The following HERC1 variants were observed in gnomAD, a reference collection of about 807,000 sequenced individuals.
The protein encoded by HERC1 is HECT and RLD domain containing E3 ubiquitin protein ligase family member 1.
HERC1 carries 160 observed loss-of-function variants against 554.3 expected under a neutral mutation model. The observed-to-expected ratio is 0.29, with a 90% CI of 0.25 to 0.33. The LOEUF (loss-of-function observed/expected upper bound fraction) is 0.33, where lower values mean the gene tolerates loss of function less well. HERC1 is among the 10% of genes least tolerant of loss of function. The probability of loss-of-function intolerance (pLI) is 1.00; values close to 1 mark genes in which losing one functional copy is unlikely to be tolerated. For missense variants in HERC1, 4,919 were observed against 5,918.5 expected (o/e 0.83, Z 5.54); for synonymous variants, 2,175 against 2,131.7 (o/e 1.02, Z -0.56).
chr15:63,782,303 C>G (rs1161099723), intron 1 of HERC1, among the ~76,000 whole-genome samples: 1 of 152,172 alleles, frequency 6.6e-6, no homozygotes, highest in Non-Finnish European at 1.5e-5. Flanking sequence ...AGCTGGTGGA[C>G]TTAAAGTTGA....
intron 1 of HERC1, among the ~76,000 whole-genome samples, chr15:63,793,802 G>A (rs137927318): frequency 1.3e-5 from 2 of 152,222 alleles, no homozygotes; most frequent in East Asian, 3.9e-4. Context: ...CTGTGTTAGA[G>A]ATGTGTGAAC....
In HERC1 at chr15:63,676,316, TG is replaced by T. The variant is rs554820415; in HGVS notation, c.7071-1200del. Among the ~76,000 whole-genome samples, 171 of 152,318 alleles carry T rather than the reference TG, an allele frequency of 1.1e-3. 1 individual carries two copies. The highest frequency in any genetic ancestry group is 4.1e-3 in the African/African-American group (169 of 41,566). ...TAAAGCTGTCACTGGTTTCTTAGCT[TG>T]GTAGAATGGAGGGGAAGGCAGAGTC... On this transcript the variant is annotated intron_variant, in intron 37 of 77. Coordinates refer to ENST00000443617, the MANE Select transcript of HERC1 (RefSeq NM_003922.4).
chr15:63,784,984 A>G (rs1207096910), intron 1 of HERC1, among the ~76,000 whole-genome samples: 6 of 152,222 alleles, frequency 3.9e-5, no homozygotes, highest in Non-Finnish European at 8.8e-5. Context: ...TTGGAAACTA[A>G]GTTTCTCAGA....
intron 1 of HERC1, among the ~76,000 whole-genome samples, chr15:63,813,582 C>T (rs1317893064): frequency 6.6e-6 from 1 of 151,964 alleles, no homozygotes; most frequent in African/African-American, 2.4e-5. Flanking sequence ...ATTAACCTAA[C>T]CCCAAATAAT....
At chr15:63,675,747 ATATAAT>A (rs1372878613) in intron 37 of HERC1, among the ~76,000 whole-genome samples, 1 of 152,168 alleles carries the variant, frequency 6.6e-6, no homozygotes, top group Non-Finnish European at 1.5e-5. Flanking sequence ...TTTAAGAATG[ATATAAT>A]TATACAAAAT....
intron 12 of HERC1, among the ~76,000 whole-genome samples, chr15:63,737,286 G>A (rs757642287): frequency 2.2e-4 from 32 of 148,604 alleles, no homozygotes; most frequent in Middle Eastern, 3.6e-3. Context: ...CCAATAATAA[G>A]GAGTTCCAGA....
At chr15:63,695,746 T>C (rs950272268) in intron 27 of HERC1, among the ~76,000 whole-genome samples, 1 of 149,118 alleles carries the variant, frequency 6.7e-6, no homozygotes, top group East Asian at 1.9e-4. Context: ...ATGAAAGACA[T>C]AAAGATAACA....
At chr15:63,691,371 CG>C (rs946532387) in intron 31 of HERC1, among the ~76,000 whole-genome samples, 18 of 151,828 alleles carry the variant, frequency 1.2e-4, no homozygotes, top group African/African-American at 3.1e-4. Context: ...GAGGCTGAGA[CG>C]GGAGGATCAC....
chr15:63,637,153 T>C (rs1294833821), intron 64 of HERC1: 1 of 461,156 alleles, frequency 2.2e-6, no homozygotes, highest in Non-Finnish European at 4.3e-6. Flanking sequence ...CATTTGCAGA[T>C]TTCCATATAA....
In HERC1 at chr15:63,624,151, T is replaced by A. The variant is rs749182762; in HGVS notation, c.13445+7A>T. The A allele has an allele frequency of 6.2e-7, 1 of 1,604,584 alleles. No homozygotes were observed. The highest frequency in any genetic ancestry group is 1.7e-5 in the Admixed American group (1 of 58,588). ...CTCATTAGTCAAACACACATACATA[T>A]GCTAACCTGGTTGATATCCTCTTTA... On this transcript the variant is annotated splice_region_variant and intron_variant, in intron 72 of 77. Coordinates refer to ENST00000443617, the MANE Select transcript of HERC1 (RefSeq NM_003922.4).
intron 1 of HERC1, among the ~76,000 whole-genome samples, chr15:63,826,796 AAAAAAAAAAAAAAAAAAAATATATATAT>A (rs1416135708): frequency 7.6e-5 from 4 of 52,390 alleles, no homozygotes; most frequent in African/African-American, 3.1e-4. Flanking sequence ...AAAAAAAAAA[AAAAAAAAAAAAAAAAAAAATATATATAT>A]ATATATATAT....
At chr15:63,649,966 T>A in intron 53 of HERC1, 41 bp from the exon 54 acceptor site, 3 of 1,432,256 alleles carry the variant, frequency 2.1e-6, no homozygotes, top group Admixed American at 2.2e-5. Flanking sequence ...ACTTAATTCT[T>A]AAAAAGAAAA....
chr15:63,708,346 T>A (rs1273378568), intron 24 of HERC1, among the ~76,000 whole-genome samples: 1 of 152,216 alleles, frequency 6.6e-6, no homozygotes, highest in African/African-American at 2.4e-5. Flanking sequence ...GTGACCAACC[T>A]CTAGCAGAAC....
chr15:63,693,646 C>T (rs997300952), intron 30 of HERC1, among the ~76,000 whole-genome samples: 1 of 152,048 alleles, frequency 6.6e-6, no homozygotes, highest in African/African-American at 2.4e-5. Flanking sequence ...TCTGAGCTTC[C>T]CCCTAGGCAA....
chr15:63,717,688 C>T (rs577540639), intron 21 of HERC1, among the ~76,000 whole-genome samples: 7 of 152,154 alleles, frequency 4.6e-5, no homozygotes, highest in Middle Eastern at 3.4e-3. Flanking sequence ...CTGGTCAACA[C>T]GGTGAAACCC....
chr15:63,820,219 C>G (rs1405915288), intron 1 of HERC1, among the ~76,000 whole-genome samples: 1 of 152,132 alleles, frequency 6.6e-6, no homozygotes, highest in Non-Finnish European at 1.5e-5. Context: ...GTGCATCTGT[C>G]TACTCCCCCA....
chr15:63,779,498 G>C (rs2076217330), intron 1 of HERC1: 3 of 152,156 alleles, frequency 2.0e-5, no homozygotes, highest in Admixed American at 6.5e-5. Flanking sequence ...AATAACGTGA[G>C]ACATGAATAT....
In HERC1 at chr15:63,808,599, T is replaced by C. The variant is rs2077203251; in HGVS notation, c.-27+25228A>G. ...CTGTACACTGCTCATCAATATACTT[T>C]TTAACGAAAGGATCTTTGGGGAAAA... On this transcript the variant is annotated intron_variant, in intron 1 of 77. Transcript: ENST00000443617. Among the ~76,000 whole-genome samples, 6 of 152,240 alleles carry C rather than the reference T, an allele frequency of 3.9e-5. No individual in the cohort carries two copies. In the South Asian group the frequency reaches 1.2e-3, roughly 31 times the overall value.
In HERC1 at chr15:63,694,251, A is replaced by T. The variant is rs1371490580; in HGVS notation, c.5480+61T>A. The T allele has an allele frequency of 4.5e-6, 7 of 1,568,828 alleles. No homozygotes were observed. The East Asian group carries it at 1.4e-4, about 32-fold the overall frequency. On this transcript the variant is annotated intron_variant, in intron 29 of 77. Coordinates refer to ENST00000443617, the MANE Select transcript of HERC1 (RefSeq NM_003922.4). The surrounding 1 kb of genome is among the most constrained non-coding windows in gnomAD (Gnocchi z 4.3). ...AAAGCAGATTAGAGGGAAAGGGGGA[A>T]TTCTAAAATGGAGGAAGACCAGACT...
Sources: allele counts gnomAD v4.1 joint callset (sites outside exome capture counted in the v4.1 genomes callset), GRCh38; gene constraint gnomAD v4.1.1; non-coding constraint Gnocchi (gnomAD v3.1); transcripts MANE v1.5; gene names NCBI Gene and HGNC (gene_info 2026-07-23, HGNC 2026-07-21).